Variants in GNG12 observed in about 807,000 individuals in gnomAD.
The protein encoded by GNG12 is guanine nucleotide-binding protein G(I)/G(S)/G(O) subunit gamma-12.
For synonymous variants in GNG12, 28 were observed against 29.7 expected (o/e 0.94, Z 0.19); for missense variants, 69 against 83.8 (o/e 0.82, Z 0.69).
intron 2 of GNG12, among the ~76,000 whole-genome samples, chr1:67,764,011 C>G (rs1180828164): frequency 6.6e-6 from 1 of 152,118 alleles, no homozygotes; most frequent in East Asian, 1.9e-4. Context: ...CGGCATTGCT[C>G]CTGTCATGCC....
intron 2 of GNG12, among the ~76,000 whole-genome samples, chr1:67,756,444 T>C (rs577657191): frequency 2.0e-5 from 3 of 152,324 alleles, no homozygotes; most frequent in African/African-American, 7.2e-5. Flanking sequence ...AACAGGTTAA[T>C]GACAAATAAT....
intron 1 of GNG12, among the ~76,000 whole-genome samples, chr1:67,824,509 CAAAAAAAA>C (rs35736017): frequency 4.2e-5 from 4 of 94,174 alleles, no homozygotes; most frequent in African/African-American, 1.7e-4. Context: ...GATCCTGTCT[CAAAAAAAA>C]AAAAAAAAAA....
At chr1:67,767,268 C>T (rs982414847) in intron 2 of GNG12, among the ~76,000 whole-genome samples, 6 of 152,110 alleles carry the variant, frequency 3.9e-5, no homozygotes, top group Non-Finnish European at 5.9e-5. Context: ...TCTTCTTGGC[C>T]TCTTGAACAT....
chr1:67,749,444 G>C (rs1199709506), intron 2 of GNG12, among the ~76,000 whole-genome samples: 1 of 152,212 alleles, frequency 6.6e-6, no homozygotes, highest in South Asian at 2.1e-4. Flanking sequence ...ATAAATGTTT[G>C]CTGCTACTGA....
chr1:67,823,393 AC>A (rs1646994469), intron 1 of GNG12, among the ~76,000 whole-genome samples: 1 of 152,130 alleles, frequency 6.6e-6, no homozygotes, highest in South Asian at 2.1e-4. Flanking sequence ...ATAAAACCCT[AC>A]TTTCCACTTC....
At chr1:67,738,015 C>T (rs1262832116) in intron 2 of GNG12, among the ~76,000 whole-genome samples, 2 of 152,136 alleles carry the variant, frequency 1.3e-5, no homozygotes, top group African/African-American at 4.8e-5. Context: ...TGTCTCACTT[C>T]AGCCTCAACC....
chr1:67,734,139 G>A (rs537288899), intron 2 of GNG12, among the ~76,000 whole-genome samples: 7 of 151,960 alleles, frequency 4.6e-5, no homozygotes, highest in East Asian at 2.0e-4. Flanking sequence ...GTGTCCCAGC[G>A]GGAGTGTGTG....
In GNG12 at chr1:67,704,431, C is replaced by CAG. The variant is rs977246741; in HGVS notation, c.*1018_*1019dup. ...TAAGAGAAGAAAGACACAGGGAAGG[C>CAG]AGAGAGAGCAAGACAGAGGGCTCAA... On this transcript the variant is annotated 3_prime_UTR_variant, in exon 4 of 4. Transcript: ENST00000370982. 4 of 152,100 alleles carry CAG rather than the reference C, an allele frequency of 2.6e-5. No individual in the cohort carries two copies. The highest frequency in any genetic ancestry group is 2.0e-4 in the Admixed American group (3 of 15,258). 9.4% of individuals were successfully genotyped at this position (152,100 alleles called of 1,614,324 possible). A position where few individuals can be genotyped will look rare whatever the true frequency, so the allele number is the denominator to read the frequency against.
intron 1 of GNG12, among the ~76,000 whole-genome samples, chr1:67,788,699 A>G (rs942099412): frequency 6.6e-6 from 1 of 152,180 alleles, no homozygotes; most frequent in African/African-American, 2.4e-5. Context: ...TTACACACGA[A>G]GAGTAGTATA....
chr1:67,717,789 G>A (rs1044481510), intron 2 of GNG12, among the ~76,000 whole-genome samples: 1 of 152,124 alleles, frequency 6.6e-6, no homozygotes, highest in Non-Finnish European at 1.5e-5. Context: ...TACAGCTCTC[G>A]CTCCTTCTCC....
intron 2 of GNG12, among the ~76,000 whole-genome samples, chr1:67,771,395 G>A (rs1570533921): frequency 6.6e-6 from 1 of 152,190 alleles, no homozygotes; most frequent in East Asian, 1.9e-4. Context: ...GGGTCACGCA[G>A]GTAAGTAAGT....
chr1:67,785,046 T>C (rs1028456717), intron 1 of GNG12, among the ~76,000 whole-genome samples: 3 of 152,180 alleles, frequency 2.0e-5, no homozygotes, highest in Non-Finnish European at 2.9e-5. Context: ...GAATCCCTCT[T>C]TCTCTGAGTC....
intron 2 of GNG12, among the ~76,000 whole-genome samples, chr1:67,712,900 T>G (rs536691819): frequency 1.3e-5 from 2 of 152,010 alleles, no homozygotes; most frequent in Admixed American, 6.6e-5. Context: ...GGCTAATTTT[T>G]GTATTTTTAG....
At position 67,704,164 on chromosome 1, in the gene GNG12, C is replaced by T. The variant is rs558596042; in HGVS notation, c.*1287G>A. 1.3e-4 allele frequency: 20 copies of T among 152,342 alleles called. No homozygotes were observed. The South Asian group carries it at 1.9e-3, about 14-fold the overall frequency. 9.4% of individuals were successfully genotyped at this position (152,342 alleles called of 1,614,324 possible). On this transcript the variant is annotated 3_prime_UTR_variant, in exon 4 of 4. Coordinates refer to ENST00000370982, the MANE Select transcript of GNG12 (RefSeq NM_018841.6). ...GGCCCAGAGGAAAATCAAGGAACCCCATATCCAGCTGCTAAAGCCCTTGGG... is the reference window on the plus strand; with the variant it reads ...GGCCCAGAGGAAAATCAAGGAACCCTATATCCAGCTGCTAAAGCCCTTGGG...
At chr1:67,729,790 C>T (rs1289845088) in intron 2 of GNG12, among the ~76,000 whole-genome samples, 1 of 152,186 alleles carries the variant, frequency 6.6e-6, no homozygotes, top group Non-Finnish European at 1.5e-5. Flanking sequence ...TCCAAGGGGG[C>T]TCCGTGGATT....
intron 2 of GNG12, among the ~76,000 whole-genome samples, chr1:67,748,497 C>CA (rs1646519643): frequency 6.6e-6 from 1 of 152,094 alleles, no homozygotes; most frequent in Admixed American, 6.5e-5. Flanking sequence ...AAGAAGGGCA[C>CA]AAAAAACAGA....
chr1:67,756,872 G>A (rs1460797272), intron 2 of GNG12, among the ~76,000 whole-genome samples: 1 of 152,200 alleles, frequency 6.6e-6, no homozygotes, highest in Admixed American at 6.5e-5. Context: ...CTCTGTACCA[G>A]GGCTTCTCAG....
intron 2 of GNG12, among the ~76,000 whole-genome samples, chr1:67,728,808 G>C (rs2100696763): frequency 6.6e-6 from 1 of 152,220 alleles, no homozygotes; most frequent in Non-Finnish European, 1.5e-5. Context: ...CAAGAAAATA[G>C]GCCCCCCCAC....
chr1:67,781,889 C>A (rs1219440543), intron 1 of GNG12, among the ~76,000 whole-genome samples: 1 of 151,906 alleles, frequency 6.6e-6, no homozygotes, highest in African/African-American at 2.4e-5. Context: ...TTGAGACATC[C>A]AAGGGGGGAT....
Sources: allele counts gnomAD v4.1 joint callset (sites outside exome capture counted in the v4.1 genomes callset), GRCh38; gene constraint gnomAD v4.1.1; transcripts MANE v1.5; gene names NCBI Gene and HGNC (gene_info 2026-07-23, HGNC 2026-07-21).